The following TBC1D16 variants were observed in gnomAD, a reference collection of about 807,000 sequenced individuals.
The protein encoded by TBC1D16 is CTD-2529O21.1.
A neutral mutation model predicts 74.7 loss-of-function variants in TBC1D16; 58 were observed. The observed-to-expected ratio is 0.78, with a 90% CI of 0.63 to 0.97. The LOEUF is 0.97. TBC1D16 is among the 50% of genes least tolerant of loss of function. The pLI is 0.00. For synonymous variants in TBC1D16, 493 were observed against 474.7 expected (o/e 1.04, Z -0.50); for missense variants, 1,014 against 1,079.5 (o/e 0.94, Z 0.85).
At chr17:79,952,942 G>GGCTGAATAT in intron 3 of TBC1D16, 124 bp from the exon 4 acceptor site, 1 of 1,075,288 alleles carries the variant, frequency 9.3e-7, no homozygotes, top group Non-Finnish European at 1.3e-6. Context: ...ATACAGGCAC[G>GGCTGAATAT]GCTGAATATG....
At chr17:79,943,779 A>T (rs573402543) in intron 10 of TBC1D16, 1 of 1,222,606 alleles carries the variant, frequency 8.2e-7, no homozygotes, top group South Asian at 1.7e-5. Flanking sequence ...TGGGAAAGGG[A>T]CCCATCTGCC....
intron 1 of TBC1D16, among the ~76,000 whole-genome samples, chr17:80,022,375 C>G (rs1251421649): frequency 6.7e-6 from 1 of 149,512 alleles, no homozygotes; most frequent in Non-Finnish European, 1.5e-5. Flanking sequence ...CTCTTGTTGC[C>G]CAGGCTAGTG....
At chr17:79,963,099 C>T (rs892553774) in intron 3 of TBC1D16, among the ~76,000 whole-genome samples, 1 of 151,430 alleles carries the variant, frequency 6.6e-6, no homozygotes, top group Admixed American at 6.6e-5. Context: ...CCTATAATCC[C>T]AGCTACTTGG....
chr17:80,011,846 T>C (rs1398777684), intron 2 of TBC1D16, among the ~76,000 whole-genome samples: 3 of 151,734 alleles, frequency 2.0e-5, no homozygotes, highest in African/African-American at 4.8e-5. Flanking sequence ...AAAAAATTCA[T>C]CCAAGCTGGG....
rs540212788 is a variant in TBC1D16 at position 79,983,179 on chromosome 17, G to A, written c.779+26981C>T. On this transcript the variant is annotated intron_variant, in intron 3 of 11. Transcript: ENST00000310924. This position sits in a 1 kb window ranked among gnomAD's most constrained non-coding sequence, Gnocchi z 5.6. Reference sequence around the variant, plus strand: ...CTCACCAACAGGCCGCTGTGCAGGCGTGAAACCCAGTGGCGGTTCAGAAGA... The same window carrying A: ...CTCACCAACAGGCCGCTGTGCAGGCATGAAACCCAGTGGCGGTTCAGAAGA... 6.6e-5 allele frequency among the ~76,000 whole-genome samples: 10 copies of A among 152,350 alleles called. No individual in the cohort carries two copies. Among genetic ancestry groups the A allele is most frequent in the African/African-American group, 1.9e-4 (8 of 41,588 alleles).
Position 79,936,915 on chromosome 17 carries a change from T to TGTGTGCGTGTGTGTGTGC in TBC1D16, c.*3943_*3944insGCACACACACACGCACAC. 1 of 143,238 alleles carries TGTGTGCGTGTGTGTGTGC rather than the reference T, an allele frequency of 7.0e-6. No individual in the cohort carries two copies. The highest frequency in any genetic ancestry group is 1.5e-5 in the Non-Finnish European group (1 of 65,598). 8.9% of individuals were successfully genotyped at this position (143,238 alleles called of 1,614,324 possible). A position where few individuals can be genotyped will look rare whatever the true frequency, so the allele number is the denominator to read the frequency against. On this transcript the variant is annotated 3_prime_UTR_variant, in exon 12 of 12. Coordinates refer to ENST00000310924, the MANE Select transcript of TBC1D16 (RefSeq NM_019020.4). The stretch of plus-strand genomic sequence containing the variant: ...GCGTGCGTGTGTGCATGTGCGTGTG[T>TGTGTGCGTGTGTGTGTGC]GTGTGTGTGTGTGTGTGTGTGTGTG...
In TBC1D16 at chr17:80,010,606, A is replaced by T. The variant is rs746135968; in HGVS notation, c.333T>A (p.Pro111=). 3 of 1,586,064 alleles carry T rather than the reference A, an allele frequency of 1.9e-6. No individual in the cohort carries two copies. The highest frequency in any genetic ancestry group is 3.7e-5 in the Admixed American group (2 of 54,146). Residue 111 remains proline (P), a synonymous_variant, in exon 3 of 12, where the codon CCT becomes CCA. Coordinates refer to ENST00000310924, the MANE Select transcript of TBC1D16 (RefSeq NM_019020.4). The surrounding 1 kb of genome is among the most constrained non-coding windows in gnomAD (Gnocchi z 8.8). The stretch of plus-strand genomic sequence containing the variant: ...CTGAGCTCCGGGTGCGCCGGCCCCG[A>T]GGGCGGGGTGCCTTGCGAACGGGGG... ...ESSPVRKAPR[P]RGRRTRSSGA... is the part of the protein sequence containing the mutation.
intron 3 of TBC1D16, among the ~76,000 whole-genome samples, chr17:79,955,761 A>G (rs1052598546): frequency 6.6e-6 from 1 of 152,236 alleles, no homozygotes; most frequent in Non-Finnish European, 1.5e-5. Context: ...ACCCAAATGT[A>G]AAAGCAGTAA....
intron 3 of TBC1D16, among the ~76,000 whole-genome samples, chr17:79,977,554 A>G (rs1316430723): frequency 2.0e-5 from 3 of 152,226 alleles, no homozygotes; most frequent in Admixed American, 2.0e-4. Context: ...CGGAGGAGAG[A>G]GAGCTCTCCG....
At chr17:80,032,801 C>T (rs1389335040) in intron 1 of TBC1D16, among the ~76,000 whole-genome samples, 1 of 152,166 alleles carries the variant, frequency 6.6e-6, no homozygotes, top group East Asian at 1.9e-4. Flanking sequence ...CATCCCAGAG[C>T]CACCCGCCCC....
At chr17:80,015,595 A>T (rs979340457) in intron 1 of TBC1D16, among the ~76,000 whole-genome samples, 1 of 152,350 alleles carries the variant, frequency 6.6e-6, no homozygotes, top group East Asian at 1.9e-4. Context: ...CGACAGCCAC[A>T]GAGGGGCTTC....
intron 7 of TBC1D16, 93 bp from the exon 8 acceptor site, chr17:79,949,099 A>AC: frequency 6.5e-7 from 1 of 1,541,412 alleles, no homozygotes; most frequent in South Asian, 1.2e-5. Flanking sequence ...CTTCCTCCCA[A>AC]CCCCCGTTCC....
intron 1 of TBC1D16, among the ~76,000 whole-genome samples, chr17:80,018,178 CAAAAAAAA>C (rs535459874): frequency 1.4e-4 from 12 of 86,116 alleles, no homozygotes; most frequent in Admixed American, 1.2e-3. Flanking sequence ...TTCTGGTAAG[CAAAAAAAA>C]AAAAAAAAGT....
Position 80,010,152 on chromosome 17 carries a change from G to A in TBC1D16, c.779+8C>T. On this transcript the variant is annotated splice_region_variant and intron_variant, in intron 3 of 11. Coordinates refer to ENST00000310924, the MANE Select transcript of TBC1D16 (RefSeq NM_019020.4). The surrounding 1 kb of genome is among the most constrained non-coding windows in gnomAD (Gnocchi z 8.8). ...CCCGAGAGCCCACGCCCAGAACCAG[G>A]AACTCACCTGCTGTCACTTTCCAGA... The A allele has an allele frequency of 6.2e-7, 1 of 1,604,228 alleles. No individual in the cohort carries two copies.
At chr17:80,021,902 A>G (rs2036299944) in intron 1 of TBC1D16, among the ~76,000 whole-genome samples, 1 of 150,538 alleles carries the variant, frequency 6.6e-6, no homozygotes, top group South Asian at 2.1e-4. Context: ...ACACACCATG[A>G]CACACACCAT....
Position 79,951,567 on chromosome 17 carries a change from G to A in TBC1D16, c.972C>T (p.Val324=), listed in dbSNP as rs368783367. 33 of 1,613,886 alleles carry A rather than the reference G, an allele frequency of 2.0e-5. No individual in the cohort carries two copies. In the East Asian group the frequency reaches 2.5e-4, roughly 12 times the overall value. The change falls in exon 5 of 12, where the codon GTC becomes GTT. Residue 324 remains valine (V), a synonymous_variant. Transcript: ENST00000310924. ...TGTACTGGCTCTCTCGGCTGGCAAC[G>A]ACCAGCTGGCCGCTGGTGCAGGCCT... The part of the protein sequence containing the change: ...SDEACTSGQL[V]VASRESQYKV...
At chr17:80,006,031 C>A (rs1275729684) in intron 3 of TBC1D16, among the ~76,000 whole-genome samples, 1 of 152,104 alleles carries the variant, frequency 6.6e-6, no homozygotes, top group Non-Finnish European at 1.5e-5. Flanking sequence ...TCCGGGGGGA[C>A]TCAACTCCGG....
chr17:80,006,526 C>T (rs75752024), intron 3 of TBC1D16, among the ~76,000 whole-genome samples: 2 of 152,204 alleles, frequency 1.3e-5, no homozygotes, highest in Non-Finnish European at 2.9e-5. Context: ...GGGCAAGGAG[C>T]ACCACCTCTG....
At chr17:79,946,347 AG>A (rs2032536064) in intron 9 of TBC1D16, among the ~76,000 whole-genome samples, 1 of 152,206 alleles carries the variant, frequency 6.6e-6, no homozygotes, top group East Asian at 1.9e-4. Context: ...AGCTTCTGTG[AG>A]AATCTAATGC....
Sources: gnomAD v4.1 joint callset for allele counts (sites outside exome capture counted in the v4.1 genomes callset) on GRCh38, gnomAD v4.1.1 for gene constraint, Gnocchi (gnomAD v3.1) non-coding constraint, MANE v1.5 for transcripts, NCBI Gene and HGNC (gene_info 2026-07-23, HGNC 2026-07-21) for gene names.